Variants in SORL1 observed in about 807,000 individuals in gnomAD.
SORL1 encodes sortilin-related receptor.
A neutral mutation model predicts 273.7 loss-of-function variants in SORL1; 127 were observed. The ratio of observed to expected loss-of-function variants is 0.46; its 90% CI spans 0.40 to 0.54. The LOEUF (loss-of-function observed/expected upper bound fraction) is 0.54. SORL1 is among the 20% of genes least tolerant of loss of function. The probability of loss-of-function intolerance (pLI) is 0.00; values close to 1 mark genes in which losing one functional copy is unlikely to be tolerated. For missense variants in SORL1, 2,494 were observed against 2,846.1 expected (o/e 0.88, Z 2.81); for synonymous variants, 1,031 against 1,067.4 (o/e 0.97, Z 0.66).
chr11:121,466,278 C>G (rs1453632973), intron 1 of SORL1, among the ~76,000 whole-genome samples: 1 of 152,108 alleles, frequency 6.6e-6, no homozygotes, highest in Non-Finnish European at 1.5e-5. Flanking sequence ...CCCTCCCACC[C>G]ACTCCCAGGC....
intron 3 of SORL1, among the ~76,000 whole-genome samples, chr11:121,481,380 C>T (rs1352890450): frequency 7.7e-6 from 1 of 129,696 alleles, no homozygotes; most frequent in Non-Finnish European, 1.6e-5. Flanking sequence ...TTCCATAGTG[C>T]ACAGATACCT....
At chr11:121,484,479 T>C (rs1481189388) in intron 3 of SORL1, among the ~76,000 whole-genome samples, 1 of 151,994 alleles carries the variant, frequency 6.6e-6, no homozygotes, top group Non-Finnish European at 1.5e-5. Context: ...CAAAACAGGT[T>C]TGGTGGCTGA....
At chr11:121,581,118 G>C (rs1863009281) in intron 25 of SORL1, among the ~76,000 whole-genome samples, 1 of 151,718 alleles carries the variant, frequency 6.6e-6, no homozygotes, top group African/African-American at 2.4e-5. Context: ...TACCATGTTG[G>C]CCAAGCTTGT....
intron 14 of SORL1, among the ~76,000 whole-genome samples, chr11:121,547,445 A>AAAAAAC (rs1862448252): frequency 7.4e-6 from 1 of 134,790 alleles, no homozygotes; most frequent in Non-Finnish European, 1.6e-5. Flanking sequence ...AAAAAAAAAA[A>AAAAAAC]TCACACACAC....
chr11:121,610,781 C>G (rs998019587), intron 38 of SORL1: 2 of 277,812 alleles, frequency 7.2e-6, no homozygotes, highest in Middle Eastern at 1.1e-3. Flanking sequence ...CTTTAAGAAC[C>G]AGGCTGAAGC....
At chr11:121,610,757 A>G (rs1382280860) in intron 38 of SORL1, 2 of 223,122 alleles carry the variant, frequency 9.0e-6, no homozygotes, top group African/African-American at 4.6e-5. Flanking sequence ...ACTCGCAGTG[A>G]ATGATCCCTG....
At chr11:121,471,832 A>G (rs945964358) in intron 2 of SORL1, among the ~76,000 whole-genome samples, 10 of 152,134 alleles carry the variant, frequency 6.6e-5, no homozygotes, top group Middle Eastern at 3.2e-3. Flanking sequence ...GTTCTGAGCC[A>G]TGCTGTGTGG....
rs542388938 is a variant in SORL1 at position 121,629,669 on chromosome 11, T to C, written c.*106T>C. ...ACTTTGAGTTGCAATATGTTATTTT[T>C]ATATGGGCCAAAAACAAAAAACAAA... On this transcript the variant is annotated 3_prime_UTR_variant, in exon 48 of 48. Transcript: ENST00000260197. 9 of 592,988 alleles carry C rather than the reference T, an allele frequency of 1.5e-5. No individual in the cohort carries two copies. Among genetic ancestry groups the C allele is most frequent in the Admixed American group, 2.9e-5 (1 of 34,404 alleles). The allele number at this position is 592,988 out of a possible 1,614,324, so 36.7% of individuals were successfully genotyped here.
At chr11:121,568,046 A>G (rs1454222566) in intron 22 of SORL1, among the ~76,000 whole-genome samples, 2 of 152,180 alleles carry the variant, frequency 1.3e-5, no homozygotes, top group African/African-American at 4.8e-5. Flanking sequence ...GACTACAGGC[A>G]CGAGCCCAGC....
intron 2 of SORL1, among the ~76,000 whole-genome samples, chr11:121,474,331 G>A (rs114372088): frequency 1.3e-5 from 2 of 151,876 alleles, no homozygotes; most frequent in South Asian, 2.1e-4. Flanking sequence ...GGGCCAGGGG[G>A]CAGGTAGGGG....
chr11:121,514,526 C>A (rs952373583), intron 8 of SORL1, among the ~76,000 whole-genome samples: 1 of 152,064 alleles, frequency 6.6e-6, no homozygotes, highest in African/African-American at 2.4e-5. Context: ...AAGAAGCGCC[C>A]TAGGTGATTC....
At position 121,498,597 on chromosome 11, in the gene SORL1, C is replaced by T. The variant is rs148999023; in HGVS notation, c.939+1548C>T. Among the ~76,000 whole-genome samples, 455 of 152,188 alleles carry T rather than the reference C, an allele frequency of 3.0e-3. 1 individual carries two copies. Among genetic ancestry groups the T allele is most frequent in the African/African-American group, 9.8e-3 (409 of 41,526 alleles). ...AGTTTAAGTTATATCCCAGCTGGGC[C>T]GGGCATGGTGGCTCATGCCTGTAAT... On this transcript the variant is annotated intron_variant, in intron 6 of 47. Coordinates refer to ENST00000260197, the MANE Select transcript of SORL1 (RefSeq NM_003105.6).
chr11:121,548,973 A>G (rs1257651619), intron 14 of SORL1, among the ~76,000 whole-genome samples: 1 of 152,220 alleles, frequency 6.6e-6, no homozygotes, highest in Non-Finnish European at 1.5e-5. Flanking sequence ...TCTGTAATTC[A>G]TTGAATTATA....
At chr11:121,610,831 C>G (rs1863551644) in intron 38 of SORL1, 1 of 395,654 alleles carries the variant, frequency 2.5e-6, no homozygotes, top group African/African-American at 2.1e-5. Context: ...AACTTTTCTG[C>G]CTGACCTAAT....
chr11:121,531,471 A>G (rs1835781270), intron 11 of SORL1, among the ~76,000 whole-genome samples: 1 of 152,190 alleles, frequency 6.6e-6, no homozygotes, highest in Non-Finnish European at 1.5e-5. Flanking sequence ...TTTTCCTTTG[A>G]GAATTGGACA....
In SORL1 at chr11:121,629,601, T is replaced by C. The variant is rs1234213576; in HGVS notation, c.*38T>C. On this transcript the variant is annotated 3_prime_UTR_variant, in exon 48 of 48. Coordinates refer to ENST00000260197, the MANE Select transcript of SORL1 (RefSeq NM_003105.6). Reference sequence around the variant, plus strand: ...CACTAGAAACCAAATGGTGTAAATATTTTATTTGATAAAGATAGTTGATGG... The same window carrying C: ...CACTAGAAACCAAATGGTGTAAATACTTTATTTGATAAAGATAGTTGATGG... The C allele has an allele frequency of 9.9e-7, 1 of 1,005,244 alleles. No homozygotes were observed. The highest frequency in any genetic ancestry group is 1.6e-6 in the Non-Finnish European group (1 of 626,022). 62.3% of individuals were successfully genotyped at this position (1,005,244 alleles called of 1,614,324 possible). A position where few individuals can be genotyped will look rare whatever the true frequency, so the allele number is the denominator to read the frequency against.
chr11:121,492,946 G>T (rs1430103496), intron 5 of SORL1, among the ~76,000 whole-genome samples: 1 of 151,480 alleles, frequency 6.6e-6, no homozygotes, highest in Non-Finnish European at 1.5e-5. Context: ...GGGATTACAG[G>T]TGCCTGCCAC....
intron 3 of SORL1, among the ~76,000 whole-genome samples, chr11:121,485,030 C>T (rs546975179): frequency 6.6e-5 from 10 of 152,224 alleles, no homozygotes; most frequent in African/African-American, 1.4e-4. Flanking sequence ...GGTGGGATTA[C>T]AGGCATGAGC....
chr11:121,568,623 G>A (rs1862787794), intron 22 of SORL1, among the ~76,000 whole-genome samples: 1 of 152,062 alleles, frequency 6.6e-6, no homozygotes, highest in African/African-American at 2.4e-5. Context: ...AATATATATG[G>A]ATATATATAA....
Sources: gnomAD v4.1 joint callset for allele counts (sites outside exome capture counted in the v4.1 genomes callset) on GRCh38, gnomAD v4.1.1 for gene constraint, MANE v1.5 for transcripts, NCBI Gene and HGNC (gene_info 2026-07-23, HGNC 2026-07-21) for gene names.